Variants in SSR1 observed in about 807,000 individuals in gnomAD.
The protein encoded by SSR1 is translocon-associated protein subunit alpha.
In SSR1, 13 loss-of-function variants were observed where a neutral mutation model predicts 36.1. That is an observed-to-expected ratio of 0.36 (90% CI 0.23 to 0.57). The LOEUF is 0.57. Ranked by LOEUF, SSR1 falls within the 20% of genes least tolerant of loss-of-function variation. The pLI is 0.81. For synonymous variants in SSR1, 113 were observed against 118.9 expected (o/e 0.95, Z 0.32); for missense variants, 291 against 338.5 (o/e 0.86, Z 1.10).
At position 7,301,591 on chromosome 6, in the gene SSR1, A is replaced by T; in HGVS notation, c.281-19T>A. ...GGAAAATCTGAGAAACAAAATAGAG[A>T]CAAAAAAATTAGAACACATGGAAAG... On this transcript the variant is annotated intron_variant, in intron 3 of 7. Coordinates refer to ENST00000244763, the MANE Select transcript of SSR1 (RefSeq NM_003144.5). 3.1e-6 allele frequency: 5 copies of T among 1,593,566 alleles called. No homozygotes were observed. Among genetic ancestry groups the T allele is most frequent in the Non-Finnish European group, 4.3e-6 (5 of 1,174,272 alleles).
chr6:7,303,060 C>T (rs1444352838), intron 3 of SSR1, among the ~76,000 whole-genome samples: 7 of 136,256 alleles, frequency 5.1e-5, no homozygotes, highest in Admixed American at 4.0e-4. Flanking sequence ...CGCTTGAAAC[C>T]GGGAGGCCTC....
chr6:7,306,217 A>G (rs755787553), intron 2 of SSR1, among the ~76,000 whole-genome samples: 3 of 152,012 alleles, frequency 2.0e-5, no homozygotes, highest in Non-Finnish European at 4.4e-5. Flanking sequence ...ATCTCAGCTC[A>G]CTGTAAGCTC....
intron 2 of SSR1, among the ~76,000 whole-genome samples, chr6:7,304,799 T>C (rs1013736634): frequency 3.3e-5 from 5 of 152,320 alleles, no homozygotes; most frequent in East Asian, 1.9e-4. Context: ...CAGGATGCCA[T>C]TGTTTATTGG....
rs1758155306 is a variant in SSR1, at chr6:7,310,035, G to A, written c.80-6C>T. 2 of 1,601,324 alleles carry A rather than the reference G, an allele frequency of 1.2e-6. No homozygotes were observed. Among genetic ancestry groups the A allele is most frequent in the African/African-American group, 1.3e-5 (1 of 74,466 alleles). On this transcript the variant is annotated splice_polypyrimidine_tract_variant and splice_region_variant and intron_variant, in intron 1 of 7. Transcript: ENST00000244763. The stretch of plus-strand genomic sequence containing the variant: ...TTGTGCCACTGCTAACAAGCCTAAT[G>A]ATAAAATACAGAAAAAGCAGTTACC...
At chr6:7,309,068 G>A (rs530929222) in intron 2 of SSR1, among the ~76,000 whole-genome samples, 13 of 152,280 alleles carry the variant, frequency 8.5e-5, no homozygotes, top group Middle Eastern at 6.8e-3. Flanking sequence ...CTTATGCTCT[G>A]TTCTCAATGA....
chr6:7,300,874 C>T (rs1396969618), intron 4 of SSR1, among the ~76,000 whole-genome samples: 1 of 152,184 alleles, frequency 6.6e-6, no homozygotes, highest in African/African-American at 2.4e-5. Flanking sequence ...AACTCCCGAC[C>T]TCAGGTGATC....
intron 2 of SSR1, among the ~76,000 whole-genome samples, chr6:7,306,924 G>C (rs1410104418): frequency 1.4e-5 from 2 of 142,942 alleles, no homozygotes; most frequent in Admixed American, 1.4e-4. Flanking sequence ...CTGGGTGGTG[G>C]GGGGGTGGGG....
At chr6:7,309,514 G>A (rs376475790) in intron 2 of SSR1, among the ~76,000 whole-genome samples, 46 of 152,292 alleles carry the variant, frequency 3.0e-4, no homozygotes, top group African/African-American at 9.6e-4. Context: ...TAACGGTTTT[G>A]CTGTGTCCCC....
chr6:7,290,391 A>C (rs1306203887), intron 7 of SSR1, among the ~76,000 whole-genome samples: 1 of 129,156 alleles, frequency 7.7e-6, no homozygotes, highest in Non-Finnish European at 1.6e-5. Flanking sequence ...AATTCTATGC[A>C]CACAAGCTGT....
intron 2 of SSR1, among the ~76,000 whole-genome samples, chr6:7,308,523 T>C (rs1273052162): frequency 6.6e-6 from 1 of 152,188 alleles, no homozygotes; most frequent in East Asian, 1.9e-4. Context: ...CTGTGTAGGA[T>C]GGATTATAGT....
At chr6:7,295,595 C>T in intron 6 of SSR1, 110 bp from the exon 7 acceptor site, 1 of 728,134 alleles carries the variant, frequency 1.4e-6, no homozygotes, top group South Asian at 2.2e-5. Context: ...CCTGGAACTC[C>T]TGGGCTCAAG....
At chr6:7,303,664 A>G (rs1757987508) in intron 2 of SSR1, 27 bp from the exon 3 acceptor site, 3 of 1,508,270 alleles carry the variant, frequency 2.0e-6, no homozygotes, top group African/African-American at 2.8e-5. Context: ...TTAAGAGGAG[A>G]TTACTATGGG....
At chr6:7,296,405 A>G (rs1034865380) in intron 6 of SSR1, among the ~76,000 whole-genome samples, 10 of 152,236 alleles carry the variant, frequency 6.6e-5, no homozygotes, top group African/African-American at 2.4e-4. Flanking sequence ...AATGAGGCAA[A>G]GCGAGTTTTA....
intron 2 of SSR1, among the ~76,000 whole-genome samples, chr6:7,306,711 TCG>T (rs1490075857): frequency 1.3e-5 from 2 of 150,856 alleles, no homozygotes; most frequent in Non-Finnish European, 3.0e-5. Context: ...GGTCAGGAGA[TCG>T]AGACCATCCT....
At chr6:7,293,987 T>A (rs928032941) in intron 7 of SSR1, among the ~76,000 whole-genome samples, 8 of 152,218 alleles carry the variant, frequency 5.3e-5, no homozygotes, top group Non-Finnish European at 1.2e-4. Context: ...ACTACCTTTT[T>A]TTCCCCTTTT....
Position 7,307,051 on chromosome 6 carries a change from C to G in SSR1, c.192+2866G>C, listed in dbSNP as rs561848842. ...AGATCTTATGAAAAACCCCCTTTTCCTTCACTTGACTCCAGGACACTGGCC... is the reference window on the plus strand; with the variant it reads ...AGATCTTATGAAAAACCCCCTTTTCGTTCACTTGACTCCAGGACACTGGCC... On this transcript the variant is annotated intron_variant, in intron 2 of 7. Coordinates refer to ENST00000244763, the MANE Select transcript of SSR1 (RefSeq NM_003144.5). 1.1e-3 allele frequency among the ~76,000 whole-genome samples: 165 copies of G among 152,216 alleles called. 1 individual carries two copies. Among genetic ancestry groups the G allele is most frequent in the South Asian group, 2.1e-3 (10 of 4,822 alleles).
At chr6:7,305,292 G>A (rs780885509) in intron 2 of SSR1, among the ~76,000 whole-genome samples, 2 of 152,210 alleles carry the variant, frequency 1.3e-5, no homozygotes, top group Non-Finnish European at 2.9e-5. Context: ...AAGTACTTAT[G>A]GAGCATTCAG....
chr6:7,311,643 C>A (rs9328408), intron 1 of SSR1, among the ~76,000 whole-genome samples: 46,451 of 152,036 alleles, frequency 0.31, 7,873 homozygotes, highest in African/African-American at 0.46. Flanking sequence ...TAAATTTGAG[C>A]ACTTTGGAAT....
At chr6:7,307,205 T>C (rs1211701158) in intron 2 of SSR1, among the ~76,000 whole-genome samples, 3 of 152,044 alleles carry the variant, frequency 2.0e-5, no homozygotes, top group Non-Finnish European at 4.4e-5. Flanking sequence ...AGGTGACTTC[T>C]GTAGCAGCCT....
Sources: allele counts gnomAD v4.1 joint callset (sites outside exome capture counted in the v4.1 genomes callset), GRCh38; gene constraint gnomAD v4.1.1; transcripts MANE v1.5; gene names NCBI Gene and HGNC (gene_info 2026-07-23, HGNC 2026-07-21).